Variants in TFF2 observed in about 807,000 individuals in gnomAD.
TFF2 encodes the protein trefoil factor 2.
TFF2 carries 19 observed loss-of-function variants against 16.0 expected under a neutral mutation model. The observed-to-expected ratio is 1.19, with a 90% CI of 0.83 to 1.74. TFF2 has a LOEUF of 1.74. Among genes scored for constraint, TFF2 ranks in the 40% most tolerant of loss-of-function variants. TFF2 has a pLI of 0.00. For synonymous variants in TFF2, 61 were observed against 65.4 expected (o/e 0.93, Z 0.32); for missense variants, 168 against 166.8 (o/e 1.01, Z -0.04).
intron 2 of TFF2, among the ~76,000 whole-genome samples, chr21:42,348,350 T>C (rs1237903293): frequency 6.6e-6 from 1 of 152,212 alleles, no homozygotes; most frequent in East Asian, 1.9e-4. Flanking sequence ...TCAGCCCTTA[T>C]GTTACTGCTG....
chr21:42,349,216 C>T (rs1304382042), intron 2 of TFF2, among the ~76,000 whole-genome samples: 2 of 151,368 alleles, frequency 1.3e-5, no homozygotes, highest in Non-Finnish European at 2.9e-5. Context: ...GCTACTAGCC[C>T]CAGACTAACC....
chr21:42,348,226 CCTT>C (rs2052084810), intron 2 of TFF2, among the ~76,000 whole-genome samples: 3 of 104,274 alleles, frequency 2.9e-5, no homozygotes, highest in African/African-American at 9.9e-5. Context: ...ACACAACCTT[CCTT>C]TGAGCACTCG....
At chr21:42,347,705 C>T (rs2052080596) in intron 2 of TFF2, 73 bp from the exon 3 acceptor site, 2 of 1,564,122 alleles carry the variant, frequency 1.3e-6, no homozygotes, top group East Asian at 2.3e-5. Flanking sequence ...CCCCTTCCTC[C>T]TCTGAGAGCA....
At chr21:42,346,683 G>T (rs1459171156) in intron 3 of TFF2, 137 bp from the exon 4 acceptor site, 4 of 986,200 alleles carry the variant, frequency 4.1e-6, no homozygotes, top group Admixed American at 2.7e-5. Context: ...CGGGGAGGGG[G>T]TGTAAAGGGA....
chr21:42,347,876 G>A (rs1399176184), intron 2 of TFF2, among the ~76,000 whole-genome samples: 2 of 152,200 alleles, frequency 1.3e-5, no homozygotes, highest in African/African-American at 4.8e-5. Context: ...CCTGTCCTCC[G>A]CGAAGGTGGG....
intron 3 of TFF2, 133 bp downstream of exon 3, chr21:42,347,353 A>C: frequency 1.7e-6 from 2 of 1,193,548 alleles, no homozygotes; most frequent in Non-Finnish European, 2.4e-6. Flanking sequence ...TCAGAATCCC[A>C]TAGGAGGCAG....
At chr21:42,347,314 T>C (rs77037411) in intron 3 of TFF2, among the ~76,000 whole-genome samples, 172 bp downstream of exon 3, 5,317 of 152,284 alleles carry the variant, frequency 0.035, 333 homozygotes, top group African/African-American at 0.12. Flanking sequence ...AAAGACGCTG[T>C]CTTTGCCAAG....
At position 42,346,532 on chromosome 21, in the gene TFF2, C is replaced by T; in HGVS notation, c.*1G>A. 6.2e-7 allele frequency: 1 copy of T among 1,606,750 alleles called. No individual in the cohort carries two copies. Among genetic ancestry groups the T allele is most frequent in the Non-Finnish European group, 8.5e-7 (1 of 1,178,150 alleles). On this transcript the variant is annotated 3_prime_UTR_variant, in exon 4 of 4. Coordinates refer to ENST00000291526, the MANE Select transcript of TFF2 (RefSeq NM_005423.5). ...GATGCATCCTCTGGAACCAGCCTCT[C>T]TTAGTAATGGCAGTCTAGAAGTTTA... is the stretch of plus-strand genomic sequence containing the variant.
chr21:42,349,409 TG>T (rs1334496553), intron 2 of TFF2, among the ~76,000 whole-genome samples: 3 of 145,896 alleles, frequency 2.1e-5, no homozygotes, highest in Admixed American at 2.0e-4. Flanking sequence ...CTAACCAACC[TG>T]GGCTACTAGC....
chr21:42,347,898 G>A (rs2052082012), intron 2 of TFF2, among the ~76,000 whole-genome samples: 1 of 152,208 alleles, frequency 6.6e-6, no homozygotes, highest in Non-Finnish European at 1.5e-5. Flanking sequence ...CCCATGTGGG[G>A]TGGTCACAGT....
chr21:42,346,785 T>C, intron 3 of TFF2, among the ~76,000 whole-genome samples: 1 of 152,096 alleles, frequency 6.6e-6, no homozygotes, highest in Non-Finnish European at 1.5e-5. Context: ...TTAGGTCACA[T>C]AAAAAAAATC....
intron 1 of TFF2, chr21:42,350,405 C>T (rs1568860333): frequency 1.1e-5 from 2 of 188,780 alleles, no homozygotes; most frequent in Non-Finnish European, 2.1e-5. Flanking sequence ...TGATGGTCCA[C>T]AACTGTGGTT....
intron 1 of TFF2, among the ~76,000 whole-genome samples, 189 bp downstream of exon 1, chr21:42,350,690 G>C (rs1291959181): frequency 6.6e-6 from 1 of 152,202 alleles, no homozygotes; most frequent in Non-Finnish European, 1.5e-5. Context: ...CCGTCACTCA[G>C]CCTTTCCCTA....
At chr21:42,348,361 T>A (rs150973142) in intron 2 of TFF2, among the ~76,000 whole-genome samples, 2 of 152,270 alleles carry the variant, frequency 1.3e-5, no homozygotes, top group Non-Finnish European at 2.9e-5. Context: ...GTTACTGCTG[T>A]CCTATTAAAT....
At chr21:42,350,789 C>A (rs774724750) in intron 1 of TFF2, 90 bp downstream of exon 1, 137 of 1,354,184 alleles carry the variant, frequency 1.0e-4, no homozygotes, top group Non-Finnish European at 1.3e-4. Context: ...TATAGCCATT[C>A]CCCCTCTCAA....
rs754221868 is a variant in TFF2 at position 42,349,924 on chromosome 21, A to G, written c.186T>C (p.Ser62=). The change falls in exon 2 of 4, where the codon AGT becomes AGC. Residue 62 remains serine, a synonymous_variant. Transcript: ENST00000291526. ...CFDNGCCFDS[S]VTGVPWCFHP... is the part of the protein sequence containing the mutation. ...GGAAACACCAGGGGACCCCAGTGACACTGGAGTCGAAACAGCATCCATTGT... is the reference window on the plus strand; with the variant it reads ...GGAAACACCAGGGGACCCCAGTGACGCTGGAGTCGAAACAGCATCCATTGT... 20 of 1,600,860 alleles carry G rather than the reference A, an allele frequency of 1.2e-5. No homozygotes were observed. Among genetic ancestry groups the G allele is most frequent in the Middle Eastern group, 1.7e-4 (1 of 6,008 alleles).
intron 1 of TFF2, among the ~76,000 whole-genome samples, chr21:42,350,570 G>A (rs906151866): frequency 6.6e-6 from 1 of 152,142 alleles, no homozygotes; most frequent in Non-Finnish European, 1.5e-5. Context: ...AGAGGAGGGT[G>A]AACAGATGGA....
At chr21:42,348,384 C>G (rs1264141419) in intron 2 of TFF2, among the ~76,000 whole-genome samples, 1 of 152,272 alleles carries the variant, frequency 6.6e-6, no homozygotes, top group South Asian at 2.1e-4. Flanking sequence ...CTTCATTTCC[C>G]CATGGAAGCT....
At chr21:42,350,173 C>T (rs367789710) in intron 1 of TFF2, 143 bp from the exon 2 acceptor site, 97 of 1,323,340 alleles carry the variant, frequency 7.3e-5, no homozygotes, top group Non-Finnish European at 9.4e-5. Context: ...TTAAGCAATG[C>T]GGTTTCCTCC....
Sources: gnomAD v4.1 joint callset for allele counts (sites outside exome capture counted in the v4.1 genomes callset) on GRCh38, gnomAD v4.1.1 for gene constraint, MANE v1.5 for transcripts, NCBI Gene and HGNC (gene_info 2026-07-23, HGNC 2026-07-21) for gene names.